MAPT: variants seen among roughly 807,000 people sequenced by gnomAD.
The protein encoded by MAPT is microtubule-associated protein tau.
A neutral mutation model predicts 67.9 loss-of-function variants in MAPT; 34 were observed. The ratio of observed to expected loss-of-function variants is 0.50; its 90% CI spans 0.38 to 0.67. The LOEUF is 0.67. Ranked by LOEUF, MAPT falls within the 30% of genes least tolerant of loss-of-function variation. The probability of loss-of-function intolerance (pLI) is 0.00; values close to 1 mark genes in which losing one functional copy is unlikely to be tolerated. For synonymous variants in MAPT, 456 were observed against 464.5 expected (o/e 0.98, Z 0.23); for missense variants, 881 against 1,115.2 (o/e 0.79, Z 2.99).
At chr17:45,955,427 A>G (rs553134595) in intron 1 of MAPT, among the ~76,000 whole-genome samples, 2 of 152,162 alleles carry the variant, frequency 1.3e-5, no homozygotes, top group East Asian at 1.9e-4. Context: ...TACCCATCCA[A>G]TCGGCCCCGC....
Position 45,944,350 on chromosome 17 carries a change from C to T in MAPT, c.-17-17971C>T, listed in dbSNP as rs532707676. On this transcript the variant is annotated intron_variant, in intron 1 of 12. Transcript: ENST00000262410. ...CGAGAACAGGTGTCCTTCAGGAAGA[C>T]GTGAAGCCAAAGCCTCCACCTCCAA... 3.3e-5 allele frequency among the ~76,000 whole-genome samples: 5 copies of T among 152,262 alleles called. No homozygotes were observed. The South Asian group carries it at 8.3e-4, about 25-fold the overall frequency.
chr17:45,947,612 T>C (rs533390909), intron 1 of MAPT, among the ~76,000 whole-genome samples: 1 of 152,122 alleles, frequency 6.6e-6, no homozygotes, highest in East Asian at 1.9e-4. Flanking sequence ...GGTCTCGAAC[T>C]CCTGACCTCA....
chr17:46,005,285 A>G (rs1299276940), intron 9 of MAPT, among the ~76,000 whole-genome samples: 4 of 152,206 alleles, frequency 2.6e-5, no homozygotes, highest in African/African-American at 9.7e-5. Context: ...GGAAGCTCAA[A>G]GTTAAATGTA....
At chr17:45,963,677 C>T (rs1462886636) in intron 2 of MAPT, among the ~76,000 whole-genome samples, 1 of 152,034 alleles carries the variant, frequency 6.6e-6, no homozygotes, top group Non-Finnish European at 1.5e-5. Context: ...GCATGGAAGC[C>T]GTGGAGTTGT....
In MAPT at chr17:45,983,778, C is replaced by T; in HGVS notation, c.1199C>T (p.Ala400Val). The change falls in exon 5 of 13, where the codon GCT becomes GTT. Residue 400 changes from alanine (A) to valine (V), a missense_variant. This residue lies in a region of MAPT where 687 missense variants were observed against 766.1 expected (regional missense o/e 0.90). Transcript: ENST00000262410. ...QAHSEEHLGR[A>V]AFPGAPGEGP... The stretch of plus-strand genomic sequence containing the variant: ...CACTCGGAGGAGCATTTGGGAAGGG[C>T]TGCATTTCCAGGGGCCCCTGGAGAG... 1 of 1,614,064 alleles carries T rather than the reference C, an allele frequency of 6.2e-7. No individual in the cohort carries two copies. The highest frequency in any genetic ancestry group is 1.7e-5 in the Admixed American group (1 of 60,016).
intron 5 of MAPT, among the ~76,000 whole-genome samples, 194 bp downstream of exon 5, chr17:45,984,124 C>A (rs1296789393): frequency 6.6e-6 from 1 of 152,210 alleles, no homozygotes; most frequent in African/African-American, 2.4e-5. Flanking sequence ...TGGCCGCACG[C>A]GCCCCTCACG....
intron 1 of MAPT, among the ~76,000 whole-genome samples, chr17:45,938,387 T>C (rs1460464707): frequency 3.3e-5 from 5 of 152,208 alleles, no homozygotes. Flanking sequence ...GCAGGATGAG[T>C]CCTCACATCA....
At position 45,983,710 on chromosome 17, in the gene MAPT, G is replaced by C; in HGVS notation, c.1131G>C (p.Thr377=). The change falls in exon 5 of 13, where the codon ACG becomes ACC. Residue 377 remains threonine, a synonymous_variant. Coordinates refer to ENST00000262410, the MANE Select transcript of MAPT (RefSeq NM_001377265.1). ...AKGQDAPLEF[T]FHVEITPNVQ... ...GGCAGGATGCCCCCCTGGAGTTCAC[G>C]TTTCACGTGGAAATCACACCCAACG... 1.9e-6 allele frequency: 3 copies of C among 1,614,192 alleles called. No individual in the cohort carries two copies. The highest frequency in any genetic ancestry group is 2.5e-6 in the Non-Finnish European group (3 of 1,180,030).
chr17:46,004,834 A>G (rs1008423178), intron 9 of MAPT, among the ~76,000 whole-genome samples: 1 of 152,114 alleles, frequency 6.6e-6, no homozygotes, highest in Non-Finnish European at 1.5e-5. Flanking sequence ...CCCAGGCTGG[A>G]GTGCAGTGGT....
chr17:46,001,702 CTTTA>C (rs1303810365), intron 9 of MAPT, among the ~76,000 whole-genome samples: 3 of 152,168 alleles, frequency 2.0e-5, no homozygotes, highest in African/African-American at 4.8e-5. Context: ...TATTTCATTC[CTTTA>C]TTCATTCATT....
In MAPT at chr17:45,941,689, T is replaced by TCCTG. The variant is rs1255791388; in HGVS notation, c.-17-20629_-17-20628insGCCT. On this transcript the variant is annotated intron_variant, in intron 1 of 12. Coordinates refer to ENST00000262410, the MANE Select transcript of MAPT (RefSeq NM_001377265.1). ...CCCCTTCCCCCCTTCCCTCCTTCCT[T>TCCTG]CCTTCCTTCCTGCCTGCCTTCCTTC... is the stretch of plus-strand genomic sequence containing the variant. 3.5e-4 allele frequency among the ~76,000 whole-genome samples: 21 copies of TCCTG among 59,754 alleles called. 1 individual carries two copies. Among genetic ancestry groups the TCCTG allele is most frequent in the African/African-American group, 1.0e-3 (11 of 10,786 alleles). The allele number at this position is 59,754 out of a possible 152,430, so 39.2% of individuals were successfully genotyped here.
At chr17:45,987,698 G>C (rs560252550) in intron 6 of MAPT, among the ~76,000 whole-genome samples, 1 of 152,244 alleles carries the variant, frequency 6.6e-6, no homozygotes, top group Non-Finnish European at 1.5e-5. Context: ...ACTGGAGCCC[G>C]GAGGGCATCT....
rs756593540 is a variant in MAPT, at chr17:46,024,083, C to T, written c.2414C>T (p.Ser805Phe). 2 of 1,614,164 alleles carry T rather than the reference C, an allele frequency of 1.2e-6. No individual in the cohort carries two copies. The highest frequency in any genetic ancestry group is 1.7e-6 in the Non-Finnish European group (2 of 1,180,030). Residue 805 changes from serine to phenylalanine, a missense_variant, in exon 13 of 13, where the codon TCC becomes TTC. Physicochemically the swap from Ser to Phe is radical, Grantham distance 155. Around this residue, in one of 6 missense-constraint regions of MAPT, gnomAD observed 79 missense variants for 150.9 expected, o/e 0.52. Coordinates refer to ENST00000262410, the MANE Select transcript of MAPT (RefSeq NM_001377265.1). The stretch of plus-strand genomic sequence containing the variant: ...CCACGGCATCTCAGCAATGTCTCCT[C>T]CACCGGCAGCATCGACATGGTAGAC... ...TSPRHLSNVS[S>F]TGSIDMVDSP...
intron 1 of MAPT, among the ~76,000 whole-genome samples, chr17:45,929,738 C>G (rs993394879): frequency 1.3e-5 from 2 of 152,148 alleles, no homozygotes; most frequent in African/African-American, 4.8e-5. Context: ...CCTTGTTATT[C>G]TCTTTCATCT....
chr17:46,000,030 G>A (rs1455229967), intron 9 of MAPT, among the ~76,000 whole-genome samples: 1 of 152,246 alleles, frequency 6.6e-6, no homozygotes, highest in Non-Finnish European at 1.5e-5. Flanking sequence ...AGCTTTTGCT[G>A]AGACCTTTGG....
chr17:45,903,001 T>A (rs2063719847), intron 1 of MAPT, among the ~76,000 whole-genome samples: 1 of 152,162 alleles, frequency 6.6e-6, no homozygotes, highest in Non-Finnish European at 1.5e-5. Flanking sequence ...TATCTTGGGA[T>A]CTAAGTCTGC....
rs770014302 is a variant in MAPT, at chr17:45,983,552, G to T, written c.973G>T (p.Ala325Ser). The T allele has an allele frequency of 3.1e-6, 5 of 1,612,802 alleles. No individual in the cohort carries two copies. Among genetic ancestry groups the T allele is most frequent in the Non-Finnish European group, 4.2e-6 (5 of 1,179,922 alleles). The change falls in exon 5 of 13, where the codon GCC (alanine) becomes TCC (serine). Residue 325 changes from alanine to serine, a missense_variant. By Grantham distance (99) the Ala-to-Ser change is moderately conservative. Coordinates refer to ENST00000262410, the MANE Select transcript of MAPT (RefSeq NM_001377265.1). ...AGATGGGCGGCCTCCCCAGACAGCC[G>T]CCAGAGAAGCCACCAGCATCCCAGG... ...AQDGRPPQTA[A>S]REATSIPGFP... is the part of the protein sequence containing the mutation.
intron 2 of MAPT, chr17:45,969,122 C>G (rs2071385819): frequency 6.6e-6 from 1 of 152,230 alleles, no homozygotes; most frequent in Non-Finnish European, 1.5e-5. Flanking sequence ...GAAACCCATT[C>G]AGCCACCATG....
At chr17:45,944,817 G>A (rs1200510930) in intron 1 of MAPT, among the ~76,000 whole-genome samples, 5 of 152,252 alleles carry the variant, frequency 3.3e-5, no homozygotes, top group East Asian at 1.9e-4. Flanking sequence ...CTGAGGCAAC[G>A]CCCTGACTGT....
Sources: allele counts gnomAD v4.1 joint callset (sites outside exome capture counted in the v4.1 genomes callset), GRCh38; gene constraint gnomAD v4.1.1; regional missense constraint gnomAD v4.1.1; transcripts MANE v1.5; gene names NCBI Gene and HGNC (gene_info 2026-07-23, HGNC 2026-07-21).